Variants in BRIP1 observed in about 807,000 individuals in gnomAD.
BRIP1 encodes the protein BRCA1 interacting DNA helicase 1, also known as Fanconi anemia group J protein.
In BRIP1, 88 loss-of-function variants were observed where a neutral mutation model predicts 119.7. That is an observed-to-expected ratio of 0.74 (90% CI 0.62 to 0.88). The LOEUF (loss-of-function observed/expected upper bound fraction) is 0.88, where lower values mean the gene tolerates loss of function less well. Ranked by LOEUF, BRIP1 falls within the 40% of genes least tolerant of loss-of-function variation. The pLI is 0.00. For missense variants in BRIP1, 1,259 were observed against 1,455.4 expected, an observed-to-expected ratio of 0.87 and a Z score of 2.20; for synonymous variants, 443 against 496.5, an observed-to-expected ratio of 0.89 and a Z score of 1.43.
intron 16 of BRIP1, 129 bp from the exon 17 acceptor site, chr17:61,716,192 G>T: frequency 1.7e-6 from 1 of 605,394 alleles, no homozygotes; most frequent in Non-Finnish European, 2.7e-6. Context: ...TTTCAGTACT[G>T]ATTTTTTTCG....
At chr17:61,858,075 A>C (rs2078922295) in intron 3 of BRIP1, among the ~76,000 whole-genome samples, 2 of 152,194 alleles carry the variant, frequency 1.3e-5, no homozygotes, top group Admixed American at 1.3e-4. Flanking sequence ...CAATATTCAA[A>C]TCAATAAAAT....
rs555585972 is a variant in BRIP1, at chr17:61,754,795, G to C, written c.2098-10204C>G. Among the ~76,000 whole-genome samples, 4 of 152,256 alleles carry C rather than the reference G, an allele frequency of 2.6e-5. No homozygotes were observed. In the South Asian group the frequency reaches 8.3e-4, roughly 32 times the overall value. ...ATGGCCTTTCCTCTCTATTCAGAGA[G>C]GAACAGGGAGAGAGAGCAATGAAGT... On this transcript the variant is annotated intron_variant, in intron 14 of 19. Transcript: ENST00000259008. This position sits in a 1 kb window ranked among gnomAD's most constrained non-coding sequence, Gnocchi z 4.1.
At position 61,753,258 on chromosome 17, in the gene BRIP1, T is replaced by A. The variant is rs1039436718; in HGVS notation, c.2098-8667A>T. 2.6e-5 allele frequency among the ~76,000 whole-genome samples: 4 copies of A among 152,146 alleles called. No homozygotes were observed. Among genetic ancestry groups the A allele is most frequent in the Non-Finnish European group, 5.9e-5 (4 of 68,032 alleles). ...TCTCAGCCTCTGTAACTGCAAGAAATAAATTCCTTTTAAAAAATAAATCAC... is the reference window on the plus strand; with the variant it reads ...TCTCAGCCTCTGTAACTGCAAGAAAAAAATTCCTTTTAAAAAATAAATCAC... On this transcript the variant is annotated intron_variant, in intron 14 of 19. Coordinates refer to ENST00000259008, the MANE Select transcript of BRIP1 (RefSeq NM_032043.3). The surrounding 1 kb of genome is among the most constrained non-coding windows in gnomAD (Gnocchi z 4.6).
rs1028174914 is a variant in BRIP1 at position 61,746,715 on chromosome 17, G to C, written c.2098-2124C>G. On this transcript the variant is annotated intron_variant, in intron 14 of 19. Transcript: ENST00000259008. The surrounding 1 kb of genome is among the most constrained non-coding windows in gnomAD (Gnocchi z 4.9). ...AAGCAAATAGTGATTGTACTGAAGAGAGAAATAAACAGCAATATAAGAGGA... is the reference window on the plus strand; with the variant it reads ...AAGCAAATAGTGATTGTACTGAAGACAGAAATAAACAGCAATATAAGAGGA... 6.6e-6 allele frequency among the ~76,000 whole-genome samples: 1 copy of C among 152,056 alleles called. No individual in the cohort carries two copies. Among genetic ancestry groups the C allele is most frequent in the Non-Finnish European group, 1.5e-5 (1 of 67,986 alleles).
chr17:61,859,724 T>C (rs2078947083), intron 3 of BRIP1, 72 bp downstream of exon 3: 1 of 968,082 alleles, frequency 1.0e-6, no homozygotes, highest in Non-Finnish European at 1.7e-6. Flanking sequence ...TGAACCAGTC[T>C]GGATAAAGAA....
At position 61,729,794 on chromosome 17, in the gene BRIP1, TG is replaced by T. The variant is rs372470671; in HGVS notation, c.2379+13218del. Among the ~76,000 whole-genome samples the T allele has an allele frequency of 6.6e-6, 1 of 152,152 alleles. No homozygotes were observed. The highest frequency in any genetic ancestry group is 2.4e-5 in the African/African-American group (1 of 41,432). On this transcript the variant is annotated intron_variant, in intron 16 of 19. Coordinates refer to ENST00000259008, the MANE Select transcript of BRIP1 (RefSeq NM_032043.3). The surrounding 1 kb of genome is among the most constrained non-coding windows in gnomAD (Gnocchi z 5.6). ...AGTGGTGCTCAACCGAGAGCAATTTTGCCAACCAGAAGATAATGGCAATGTC... is the reference window on the plus strand; with the variant it reads ...AGTGGTGCTCAACCGAGAGCAATTTTCCAACCAGAAGATAATGGCAATGTC...
intron 11 of BRIP1, among the ~76,000 whole-genome samples, chr17:61,783,377 G>C (rs2077652693): frequency 6.6e-6 from 1 of 152,116 alleles, no homozygotes; most frequent in Non-Finnish European, 1.5e-5. Flanking sequence ...TAGAATACAG[G>C]TTAGCAGGTG....
intron 11 of BRIP1, chr17:61,783,898 GATCTC>G: frequency 5.5e-6 from 1 of 180,616 alleles, no homozygotes; most frequent in South Asian, 1.2e-4. Flanking sequence ...AACATAGTGA[GATCTC>G]ATCTCTACAA....
rs1005535907 is a variant in BRIP1 at position 61,684,406 on chromosome 17, G to A, written c.2906-266C>T. On this transcript the variant is annotated intron_variant, in intron 19 of 19. Coordinates refer to ENST00000259008, the MANE Select transcript of BRIP1 (RefSeq NM_032043.3). The surrounding 1 kb of genome is among the most constrained non-coding windows in gnomAD (Gnocchi z 4.5). Reference sequence around the variant, plus strand: ...AGCAGGGAGCTCAAGAATGAATGAGGAAAGAAGGGGTAAAAGGGAAGAGGA... The same window carrying A: ...AGCAGGGAGCTCAAGAATGAATGAGAAAAGAAGGGGTAAAAGGGAAGAGGA... 7.2e-5 allele frequency among the ~76,000 whole-genome samples: 11 copies of A among 152,146 alleles called. No individual in the cohort carries two copies. The highest frequency in any genetic ancestry group is 2.2e-4 in the African/African-American group (9 of 41,434).
rs1555591407 is a variant in BRIP1, at chr17:61,744,504, C to T, written c.2185G>A (p.Gly729Arg). ...LVKTVIVEPQ[G>R]GEKTNFDELL... ...TCATCAAAATTTGTTTTTTCTCCTC[C>T]CTGTGGTTCTACAATGACTGTCTTC... The change falls in exon 15 of 20, where the codon GGA becomes AGA. Residue 729 changes from glycine to arginine, a missense_variant. Coordinates refer to ENST00000259008, the MANE Select transcript of BRIP1 (RefSeq NM_032043.3). The surrounding 1 kb of genome is among the most constrained non-coding windows in gnomAD (Gnocchi z 5.0). 6.2e-7 allele frequency: 1 copy of T among 1,613,744 alleles called. No homozygotes were observed. Among genetic ancestry groups the T allele is most frequent in the South Asian group, 1.1e-5 (1 of 91,074 alleles).
In BRIP1 at chr17:61,778,650, G is replaced by A. The variant is rs2077570748; in HGVS notation, c.1935+1611C>T. Among the ~76,000 whole-genome samples, 1 of 152,180 alleles carries A rather than the reference G, an allele frequency of 6.6e-6. No homozygotes were observed. The highest frequency in any genetic ancestry group is 1.5e-5 in the Non-Finnish European group (1 of 68,028). On this transcript the variant is annotated intron_variant, in intron 13 of 19. Coordinates refer to ENST00000259008, the MANE Select transcript of BRIP1 (RefSeq NM_032043.3). This position sits in a 1 kb window ranked among gnomAD's most constrained non-coding sequence, Gnocchi z 4.4. ...ATAGAGCCTGTAATAACATTCTTATGAGAAAACGTATGCTGAATTTACCAA... is the reference window on the plus strand; with the variant it reads ...ATAGAGCCTGTAATAACATTCTTATAAGAAAACGTATGCTGAATTTACCAA...
At chr17:61,715,087 C>G (rs903265101) in intron 17 of BRIP1, among the ~76,000 whole-genome samples, 4 of 151,608 alleles carry the variant, frequency 2.6e-5, no homozygotes, top group African/African-American at 9.7e-5. Flanking sequence ...GTAATCCCAG[C>G]TACTCAGGAG....
Position 61,699,574 on chromosome 17 carries a change from G to A in BRIP1, c.2493-6062C>T, listed in dbSNP as rs2061581206. ...TTCTGTTCCCTCATCTGTCACCTTT[G>A]GGTTGTTATTGTCATATAAATTATA... On this transcript the variant is annotated intron_variant, in intron 17 of 19. Coordinates refer to ENST00000259008, the MANE Select transcript of BRIP1 (RefSeq NM_032043.3). This position sits in a 1 kb window ranked among gnomAD's most constrained non-coding sequence, Gnocchi z 4.8. 6.6e-6 allele frequency among the ~76,000 whole-genome samples: 1 copy of A among 152,048 alleles called. No homozygotes were observed. The highest frequency in any genetic ancestry group is 1.5e-5 in the Non-Finnish European group (1 of 68,004).
Position 61,851,823 on chromosome 17 carries a change from C to A in BRIP1, c.380-2567G>T, listed in dbSNP as rs77180108. ...GTCCAGGCAACCAGTAAAATAACCACAAAATAAACCTAGATCAGTGATTCT... is the reference window on the plus strand; with the variant it reads ...GTCCAGGCAACCAGTAAAATAACCAAAAAATAAACCTAGATCAGTGATTCT... On this transcript the variant is annotated intron_variant, in intron 4 of 19. Coordinates refer to ENST00000259008, the MANE Select transcript of BRIP1 (RefSeq NM_032043.3). The surrounding 1 kb of genome is among the most constrained non-coding windows in gnomAD (Gnocchi z 4.6). 4.7e-4 allele frequency among the ~76,000 whole-genome samples: 71 copies of A among 152,242 alleles called. 1 individual carries two copies. The East Asian group carries it at 0.012, about 26-fold the overall frequency.
rs2078858409 is a variant in BRIP1, at chr17:61,853,972, C to A, written c.379+3086G>T. Among the ~76,000 whole-genome samples the A allele has an allele frequency of 6.6e-6, 1 of 152,110 alleles. No individual in the cohort carries two copies. The highest frequency in any genetic ancestry group is 2.1e-4 in the South Asian group (1 of 4,826). On this transcript the variant is annotated intron_variant, in intron 4 of 19. Transcript: ENST00000259008. The surrounding 1 kb of genome is among the most constrained non-coding windows in gnomAD (Gnocchi z 4.3). ...ACCACAATGAGATACTGCCACATGC[C>A]TATTAGAGTAGCTAAAATTAAGGCC...
At position 61,846,530 on chromosome 17, in the gene BRIP1, G is replaced by C. The variant is rs2078734709; in HGVS notation, c.627+571C>G. On this transcript the variant is annotated intron_variant, in intron 6 of 19. Transcript: ENST00000259008. This position sits in a 1 kb window ranked among gnomAD's most constrained non-coding sequence, Gnocchi z 4.3. The stretch of plus-strand genomic sequence containing the variant: ...GCCTCCCAAGTAGCTGGGACTACAA[G>C]TGTGCACCACAACACCCGGCTAATT... Among the ~76,000 whole-genome samples, 1 of 151,990 alleles carries C rather than the reference G, an allele frequency of 6.6e-6. No individual in the cohort carries two copies. Among genetic ancestry groups the C allele is most frequent in the Non-Finnish European group, 1.5e-5 (1 of 68,010 alleles).
At chr17:61,731,981 CTTTTTTT>C (rs71299809) in intron 16 of BRIP1, among the ~76,000 whole-genome samples, 7 of 83,026 alleles carry the variant, frequency 8.4e-5, no homozygotes, top group East Asian at 7.0e-4. Flanking sequence ...TTCTTTCTTT[CTTTTTTT>C]TTTTTTTTTT....
chr17:61,787,967 T>A (rs1049076964), intron 10 of BRIP1, among the ~76,000 whole-genome samples: 1 of 151,902 alleles, frequency 6.6e-6, no homozygotes, highest in Non-Finnish European at 1.5e-5. Context: ...TCATTGCCTG[T>A]GATAAACAAC....
Position 61,801,470 on chromosome 17 carries a change from T to G in BRIP1, c.923A>C (p.Lys308Thr). ...CMELLDGKNGKSCYFYHGVHK... is the reference protein window; with the variant it reads ...CMELLDGKNGTSCYFYHGVHK... ...AACTCCATGATAAAAATAGCAGGAT[T>G]TTCCCTAGAAACAAATATGCATAAC... Residue 308 changes from lysine (K) to threonine (T), a missense_variant, in exon 8 of 20, where the codon AAA becomes ACA. Lys to Thr is a moderately conservative substitution (Grantham distance 78). This residue lies in a region of BRIP1 where 501 missense variants were observed against 544.0 expected (regional missense o/e 0.92). Transcript: ENST00000259008. 1 of 1,605,882 alleles carries G rather than the reference T, an allele frequency of 6.2e-7. No homozygotes were observed. Among genetic ancestry groups the G allele is most frequent in the Non-Finnish European group, 8.5e-7 (1 of 1,172,732 alleles).
Sources: gnomAD v4.1 joint callset for allele counts (sites outside exome capture counted in the v4.1 genomes callset) on GRCh38, gnomAD v4.1.1 for gene constraint, gnomAD v4.1.1 regional missense constraint, Gnocchi (gnomAD v3.1) non-coding constraint, MANE v1.5 for transcripts, NCBI Gene and HGNC (gene_info 2026-07-23, HGNC 2026-07-21) for gene names.